The following GRM7 variants were observed in gnomAD, a reference collection of about 807,000 sequenced individuals.
GRM7 encodes the protein glutamate metabotropic receptor 7.
GRM7 carries 35 observed loss-of-function variants against 84.5 expected under a neutral mutation model. The ratio of observed to expected loss-of-function variants is 0.41; its 90% CI spans 0.32 to 0.55. GRM7 has a LOEUF of 0.55. Ranked by LOEUF, GRM7 falls within the 20% of genes least tolerant of loss-of-function variation. The probability of loss-of-function intolerance (pLI) is 0.19; values close to 1 mark genes in which losing one functional copy is unlikely to be tolerated. For synonymous variants in GRM7, 487 were observed against 455.1 expected (o/e 1.07, Z -0.89); for missense variants, 1,003 against 1,194.6 (o/e 0.84, Z 2.36).
At chr3:6,940,326 A>AT (rs1423466865) in intron 1 of GRM7, among the ~76,000 whole-genome samples, 2 of 152,080 alleles carry the variant, frequency 1.3e-5, no homozygotes, top group Non-Finnish European at 2.9e-5. Flanking sequence ...TCTTGACCTC[A>AT]TTATCTGCCC....
At chr3:7,395,362 T>A (rs1695170308) in intron 4 of GRM7, among the ~76,000 whole-genome samples, 1 of 152,194 alleles carries the variant, frequency 6.6e-6, no homozygotes, top group African/African-American at 2.4e-5. Flanking sequence ...CATAATAAAT[T>A]TAAAATAACT....
intron 7 of GRM7, among the ~76,000 whole-genome samples, chr3:7,468,404 T>C (rs1698549344): frequency 6.6e-6 from 1 of 152,324 alleles, no homozygotes. Flanking sequence ...TGAGTCTCAG[T>C]TCTACCATTA....
intron 1 of GRM7, among the ~76,000 whole-genome samples, chr3:6,984,689 T>C (rs1559367515): frequency 6.6e-6 from 1 of 152,030 alleles, no homozygotes; most frequent in Non-Finnish European, 1.5e-5. Flanking sequence ...CCCTGAATGT[T>C]TTTTTTTAGC....
At chr3:7,202,219 C>T (rs1696091598) in intron 2 of GRM7, among the ~76,000 whole-genome samples, 2 of 152,144 alleles carry the variant, frequency 1.3e-5, no homozygotes, top group African/African-American at 4.8e-5. Flanking sequence ...TACCTATTAT[C>T]TTCTCTCATT....
At chr3:7,047,770 A>G (rs1369587539) in intron 1 of GRM7, among the ~76,000 whole-genome samples, 1 of 152,088 alleles carries the variant, frequency 6.6e-6, no homozygotes, top group Admixed American at 6.6e-5. Context: ...AAATCCTAGC[A>G]GAGACTTTTG....
chr3:7,685,708 T>TA (rs1252834957), intron 9 of GRM7, among the ~76,000 whole-genome samples: 1 of 151,786 alleles, frequency 6.6e-6, no homozygotes, highest in African/African-American at 2.4e-5. Context: ...GGAAAATACA[T>TA]AAATAACAAC....
intron 1 of GRM7, among the ~76,000 whole-genome samples, chr3:6,887,048 C>G (rs1347062224): frequency 1.3e-5 from 2 of 151,972 alleles, no homozygotes; most frequent in African/African-American, 4.8e-5. Context: ...TTCCATACAT[C>G]TGATTTGAAA....
intron 4 of GRM7, among the ~76,000 whole-genome samples, chr3:7,332,684 T>G (rs1021514989): frequency 6.6e-6 from 1 of 152,142 alleles, no homozygotes; most frequent in Non-Finnish European, 1.5e-5. Flanking sequence ...CATTGTGAAC[T>G]TATGCTCCAA....
chr3:7,486,157 A>G lies in GRM7; in HGVS notation c.1515+24435A>G, dbSNP rs1413554161. Among the ~76,000 whole-genome samples, 3 of 152,140 alleles carry G rather than the reference A, an allele frequency of 2.0e-5. No homozygotes were observed. The highest frequency in any genetic ancestry group is 4.4e-5 in the Non-Finnish European group (3 of 68,028). ...TGACTCTGATCTTAGAATATATTTC[A>G]TTTTGCTCTAAAAGTAGAAAAGAAC... On this transcript the variant is annotated intron_variant, in intron 7 of 9. Transcript: ENST00000357716. The surrounding 1 kb of genome is among the most constrained non-coding windows in gnomAD (Gnocchi z 5.5).
chr3:7,633,051 T>G (rs879519478), intron 8 of GRM7, among the ~76,000 whole-genome samples: 10 of 152,278 alleles, frequency 6.6e-5, no homozygotes, highest in Non-Finnish European at 1.5e-4. Flanking sequence ...TGATGCTTAC[T>G]CTGAAGAAGG....
At chr3:7,089,932 C>T (rs890811056) in intron 1 of GRM7, among the ~76,000 whole-genome samples, 3 of 151,854 alleles carry the variant, frequency 2.0e-5, no homozygotes, top group Admixed American at 2.0e-4. Context: ...AACCTCTACT[C>T]CCCGGGTTCA....
At chr3:7,529,643 T>G (rs1437156050) in intron 7 of GRM7, among the ~76,000 whole-genome samples, 1 of 152,130 alleles carries the variant, frequency 6.6e-6, no homozygotes, top group East Asian at 1.9e-4. Flanking sequence ...CCTGTATGAT[T>G]CCCTGAATGC....
intron 4 of GRM7, among the ~76,000 whole-genome samples, chr3:7,328,348 T>C (rs970080196): frequency 2.0e-5 from 3 of 152,198 alleles, no homozygotes; most frequent in African/African-American, 4.8e-5. Flanking sequence ...AAACTATTGA[T>C]TTGTGTGCCC....
chr3:7,626,279 T>C (rs990837161), intron 8 of GRM7, among the ~76,000 whole-genome samples: 31 of 152,134 alleles, frequency 2.0e-4, no homozygotes, highest in African/African-American at 7.5e-4. Context: ...AGCAGTTCTA[T>C]GGAGTAAGTA....
chr3:7,404,498 A>G (rs999378315), intron 4 of GRM7, among the ~76,000 whole-genome samples: 2 of 152,192 alleles, frequency 1.3e-5, no homozygotes, highest in African/African-American at 4.8e-5. Context: ...AGTTCAGGGA[A>G]CAGAGAAAAG....
intron 2 of GRM7, among the ~76,000 whole-genome samples, chr3:7,168,877 C>T (rs569598081): frequency 1.3e-5 from 2 of 152,090 alleles, no homozygotes; most frequent in Non-Finnish European, 2.9e-5. Context: ...GATAAATCTC[C>T]AATTTAATCA....
intron 1 of GRM7, among the ~76,000 whole-genome samples, chr3:6,898,978 T>A (rs1026881160): frequency 6.6e-6 from 1 of 152,136 alleles, no homozygotes; most frequent in African/African-American, 2.4e-5. Context: ...TTGACTTCCA[T>A]CAATTTACTT....
intron 2 of GRM7, among the ~76,000 whole-genome samples, chr3:7,149,463 A>G (rs1006834352): frequency 6.6e-6 from 1 of 152,186 alleles, no homozygotes; most frequent in Non-Finnish European, 1.5e-5. Flanking sequence ...AGAAAAATTT[A>G]TCTATTGGAA....
intron 2 of GRM7, among the ~76,000 whole-genome samples, chr3:7,285,706 C>T (rs1481349971): frequency 6.6e-6 from 1 of 152,056 alleles, no homozygotes; most frequent in Non-Finnish European, 1.5e-5. Context: ...TTTTTGCCCT[C>T]TTGGTGGCAC....
Sources: allele counts gnomAD v4.1 joint callset (sites outside exome capture counted in the v4.1 genomes callset), GRCh38; gene constraint gnomAD v4.1.1; non-coding constraint Gnocchi (gnomAD v3.1); transcripts MANE v1.5; gene names NCBI Gene and HGNC (gene_info 2026-07-23, HGNC 2026-07-21).